SSX2IP: variants seen among roughly 807,000 people sequenced by gnomAD.
SSX2IP encodes the protein SSX family member 2 interacting protein.
In SSX2IP, 55 loss-of-function variants were observed where a neutral mutation model predicts 84.9. The ratio of observed to expected loss-of-function variants is 0.65; its 90% CI spans 0.52 to 0.81. The LOEUF (loss-of-function observed/expected upper bound fraction) is 0.81, where lower values mean the gene tolerates loss of function less well. SSX2IP is among the 30% of genes least tolerant of loss of function. SSX2IP has a pLI of 0.00. For synonymous variants in SSX2IP, 239 were observed against 234.7 expected, an observed-to-expected ratio of 1.02 and a Z score of -0.17; for missense variants, 664 against 705.2, an observed-to-expected ratio of 0.94 and a Z score of 0.66.
rs1189241479 is a variant in SSX2IP at position 84,662,373 on chromosome 1, T to C, written c.752A>G (p.Asn251Ser). 3.1e-6 allele frequency: 5 copies of C among 1,606,860 alleles called. No individual in the cohort carries two copies. The highest frequency in any genetic ancestry group is 1.7e-5 in the Admixed American group (1 of 58,576). ...SWRTGKTEAR[N>S]EDEMYKILLN... ...GAGAATTTTATACATTTCATCTTCA[T>C]TCCTGAGAAAGAAACTGTCAGTATG... Residue 251 changes from asparagine (N) to serine (S), a missense_variant and splice_region_variant, in exon 8 of 14, where the codon AAT becomes AGT. Physicochemically the swap from Asn to Ser is conservative, Grantham distance 46 (BLOSUM62 1). Transcript: ENST00000342203.
rs1219336683 is a variant in SSX2IP, at chr1:84,669,796, T to C, written c.311A>G (p.Asn104Ser). Residue 104 changes from asparagine (N) to serine (S), a missense_variant, in exon 4 of 14, where the codon AAT becomes AGT. Coordinates refer to ENST00000342203, the MANE Select transcript of SSX2IP (RefSeq NM_001166293.2). ...LNIVAVLNCM[N>S]ELLVLQRKNL... Reference sequence around the variant, plus strand: ...CTTCCGCTGAAGCACAAGCAGCTCATTCATACAATTTAGTACAGCTACTAT... The same window carrying C: ...CTTCCGCTGAAGCACAAGCAGCTCACTCATACAATTTAGTACAGCTACTAT... 3.1e-6 allele frequency: 5 copies of C among 1,613,778 alleles called. No individual in the cohort carries two copies. The highest frequency in any genetic ancestry group is 1.1e-5 in the South Asian group (1 of 91,082).
chr1:84,650,581 A>C, intron 12 of SSX2IP, 54 bp from the exon 13 acceptor site: 1 of 1,583,092 alleles, frequency 6.3e-7, no homozygotes. Context: ...GGCATTAAAT[A>C]TAGTGAAGGT....
rs1330329555 is a variant in SSX2IP at position 84,645,628 on chromosome 1, G to A, written c.*1805C>T. ...AAAGTACACCATGGAAAACCCTCGG[G>A]GGAAAATTGTTGCCAAATGTATCCA... On this transcript the variant is annotated 3_prime_UTR_variant, in exon 14 of 14. Transcript: ENST00000342203. 1.3e-5 allele frequency: 2 copies of A among 152,098 alleles called. No individual in the cohort carries two copies. The highest frequency in any genetic ancestry group is 2.9e-5 in the Non-Finnish European group (2 of 68,008). 9.4% of individuals were successfully genotyped at this position (152,098 alleles called of 1,614,324 possible).
intron 11 of SSX2IP, chr1:84,655,332 G>T: frequency 4.6e-6 from 5 of 1,086,352 alleles, no homozygotes; most frequent in Non-Finnish European, 5.6e-6. Context: ...ACCTTATTCA[G>T]ACATTACTGC....
intron 1 of SSX2IP, among the ~76,000 whole-genome samples, chr1:84,689,327 C>A (rs1001788863): frequency 6.6e-6 from 1 of 152,150 alleles, no homozygotes; most frequent in Non-Finnish European, 1.5e-5. Context: ...TTCTTCTACC[C>A]CACAGTAAGC....
At position 84,664,287 on chromosome 1, in the gene SSX2IP, C is replaced by T. The variant is rs533660224; in HGVS notation, c.673+130G>A. 87 of 946,426 alleles carry T rather than the reference C, an allele frequency of 9.2e-5. No homozygotes were observed. The Middle Eastern group carries it at 1.8e-3, about 20-fold the overall frequency. The allele number at this position is 946,426 out of a possible 1,614,324, so 58.6% of individuals were successfully genotyped here. A position where few individuals can be genotyped will look rare whatever the true frequency, so the allele number is the denominator to read the frequency against. On this transcript the variant is annotated intron_variant, in intron 6 of 13. Transcript: ENST00000342203. Reference sequence around the variant, plus strand: ...CTACATTTTTTATATAAACAAACACCACTGAAAATCAATTGTATAAAGCAT... The same window carrying T: ...CTACATTTTTTATATAAACAAACACTACTGAAAATCAATTGTATAAAGCAT...
chr1:84,649,238 G>A (rs774780808), intron 13 of SSX2IP, among the ~76,000 whole-genome samples: 4 of 152,120 alleles, frequency 2.6e-5, no homozygotes, highest in Non-Finnish European at 4.4e-5. Context: ...GTGGGTTCAC[G>A]ATCTTATCCT....
At chr1:84,678,278 G>T (rs1161769229) in intron 1 of SSX2IP, among the ~76,000 whole-genome samples, 1 of 152,190 alleles carries the variant, frequency 6.6e-6, no homozygotes, top group Non-Finnish European at 1.5e-5. Context: ...AAACATAGCA[G>T]GTGCTCAGTA....
At chr1:84,675,796 A>G (rs1297976860) in intron 1 of SSX2IP, among the ~76,000 whole-genome samples, 1 of 152,196 alleles carries the variant, frequency 6.6e-6, no homozygotes, top group Non-Finnish European at 1.5e-5. Flanking sequence ...TAAATTGCGT[A>G]TTCAGTGAAA....
At chr1:84,657,118 C>A (rs926040494) in intron 9 of SSX2IP, among the ~76,000 whole-genome samples, 3 of 152,016 alleles carry the variant, frequency 2.0e-5, no homozygotes, top group Non-Finnish European at 2.9e-5. Flanking sequence ...TTAAATTTTT[C>A]TTTAAATAGG....
At chr1:84,672,589 T>G (rs932403569) in intron 1 of SSX2IP, among the ~76,000 whole-genome samples, 5 of 152,176 alleles carry the variant, frequency 3.3e-5, no homozygotes, top group Non-Finnish European at 7.3e-5. Context: ...CACTTGACTG[T>G]AAGTTATACC....
At chr1:84,686,649 C>A (rs960905218) in intron 1 of SSX2IP, among the ~76,000 whole-genome samples, 1 of 152,066 alleles carries the variant, frequency 6.6e-6, no homozygotes, top group Non-Finnish European at 1.5e-5. Context: ...CAAAGAACAT[C>A]AACATAAGCG....
In SSX2IP at chr1:84,658,475, G is replaced by C. The variant is rs1236146238; in HGVS notation, c.928-7C>G. 1.9e-6 allele frequency: 3 copies of C among 1,612,746 alleles called. No individual in the cohort carries two copies. Among genetic ancestry groups the C allele is most frequent in the Non-Finnish European group, 2.5e-6 (3 of 1,179,268 alleles). ...CTTCAACATCGGAAATAACCTACAA[G>C]CGGAGAGAGATGAAGAGGAAAGGCT... On this transcript the variant is annotated splice_polypyrimidine_tract_variant and splice_region_variant and intron_variant, in intron 8 of 13. Coordinates refer to ENST00000342203, the MANE Select transcript of SSX2IP (RefSeq NM_001166293.2).
At chr1:84,679,384 T>G (rs1300349856) in intron 1 of SSX2IP, among the ~76,000 whole-genome samples, 2 of 152,226 alleles carry the variant, frequency 1.3e-5, no homozygotes, top group African/African-American at 4.8e-5. Flanking sequence ...TTATTTCTTC[T>G]GAGTGGTGCC....
At chr1:84,653,630 G>T (rs1052702609) in intron 11 of SSX2IP, among the ~76,000 whole-genome samples, 1 of 152,212 alleles carries the variant, frequency 6.6e-6, no homozygotes, top group African/African-American at 2.4e-5. Context: ...GTCAAGTGTT[G>T]TTCCCTGAAG....
Position 84,664,426 on chromosome 1 carries a change from T to C in SSX2IP, c.664A>G (p.Lys222Glu), listed in dbSNP as rs1468993661. 1.3e-6 allele frequency: 2 copies of C among 1,580,180 alleles called. No individual in the cohort carries two copies. The highest frequency in any genetic ancestry group is 2.8e-5 in the African/African-American group (2 of 72,434). Residue 222 changes from lysine (K) to glutamate (E), a missense_variant, in exon 6 of 14, where the codon AAG (lysine) becomes GAG (glutamate). Coordinates refer to ENST00000342203, the MANE Select transcript of SSX2IP (RefSeq NM_001166293.2). ...LHQLVMNKKD[K>E]KIAMDILNYV... ...TTTGCCAGCTGTTTACCTATTTTCT[T>C]ATCTTTCTTGTTCATAACAAGTTGA...
chr1:84,686,914 TCA>T (rs1325802787), intron 1 of SSX2IP, among the ~76,000 whole-genome samples: 1 of 152,048 alleles, frequency 6.6e-6, no homozygotes, highest in Non-Finnish European at 1.5e-5. Flanking sequence ...TTCAAGAATC[TCA>T]GTTTAAAAGA....
chr1:84,661,333 A>T (rs562515480), intron 8 of SSX2IP, among the ~76,000 whole-genome samples: 47 of 152,262 alleles, frequency 3.1e-4, no homozygotes, highest in African/African-American at 1.1e-3. Flanking sequence ...ATTAAGTAAA[A>T]TGAACTTTTC....
At chr1:84,682,159 T>C (rs1253691822) in intron 1 of SSX2IP, among the ~76,000 whole-genome samples, 4 of 152,236 alleles carry the variant, frequency 2.6e-5, no homozygotes, top group African/African-American at 9.6e-5. Flanking sequence ...CCATCTGATA[T>C]TCCATTATAT....
Sources: gnomAD v4.1 joint callset for allele counts (sites outside exome capture counted in the v4.1 genomes callset) on GRCh38, gnomAD v4.1.1 for gene constraint, MANE v1.5 for transcripts, NCBI Gene and HGNC (gene_info 2026-07-23, HGNC 2026-07-21) for gene names.